Variants in GPC5 observed in about 807,000 individuals in gnomAD.
The protein encoded by GPC5 is glypican-5.
GPC5 carries 47 observed loss-of-function variants against 53.9 expected under a neutral mutation model. That is an observed-to-expected ratio of 0.87 (90% CI 0.69 to 1.11). The LOEUF (loss-of-function observed/expected upper bound fraction) is 1.11. GPC5 is among the 50% of genes most tolerant of loss of function. The pLI is 0.00. For synonymous variants in GPC5, 286 were observed against 263.3 expected, an observed-to-expected ratio of 1.09 and a Z score of -0.84; for missense variants, 748 against 713.1, an observed-to-expected ratio of 1.05 and a Z score of -0.56.
intron 1 of GPC5, among the ~76,000 whole-genome samples, chr13:91,424,582 G>A (rs1394600594): frequency 1.3e-5 from 2 of 152,048 alleles, no homozygotes; most frequent in African/African-American, 4.8e-5. Flanking sequence ...GGCCAGGCTG[G>A]TCTTGAATTC....
At chr13:91,503,780 A>AAATAATAAT (rs74995934) in intron 2 of GPC5, among the ~76,000 whole-genome samples, 18,853 of 132,528 alleles carry the variant, frequency 0.14, 1,495 homozygotes, top group Middle Eastern at 0.18. Flanking sequence ...CTCTGTCTCA[A>AAATAATAAT]AATAATAATA....
chr13:91,609,972 T>C (rs527858148), intron 2 of GPC5, among the ~76,000 whole-genome samples: 3 of 152,324 alleles, frequency 2.0e-5, no homozygotes, highest in Admixed American at 6.5e-5. Context: ...TTTGTGTACA[T>C]TCGTTATATG....
At chr13:91,887,190 G>A (rs576216015) in intron 5 of GPC5, among the ~76,000 whole-genome samples, 2 of 152,092 alleles carry the variant, frequency 1.3e-5, no homozygotes, top group Non-Finnish European at 2.9e-5. Flanking sequence ...ACATCATGTG[G>A]AAACTGCCAA....
chr13:91,445,226 A>G (rs529652320), intron 1 of GPC5, among the ~76,000 whole-genome samples: 2 of 152,184 alleles, frequency 1.3e-5, no homozygotes, highest in Admixed American at 6.6e-5. Flanking sequence ...TGCTAGTATT[A>G]TTACTCTTGT....
chr13:91,544,839 T>C (rs1485505795), intron 2 of GPC5, among the ~76,000 whole-genome samples: 1 of 152,216 alleles, frequency 6.6e-6, no homozygotes, highest in Non-Finnish European at 1.5e-5. Flanking sequence ...CTGGTTCTGG[T>C]ATCTCACAAG....
chr13:92,224,461 G>A (rs2042470319), intron 7 of GPC5, among the ~76,000 whole-genome samples: 1 of 152,200 alleles, frequency 6.6e-6, no homozygotes, highest in Admixed American at 6.5e-5. Context: ...GCAGGCCTGA[G>A]ACTGCTGTCC....
chr13:91,974,613 TA>T (rs2040279649), intron 6 of GPC5, among the ~76,000 whole-genome samples: 1 of 151,980 alleles, frequency 6.6e-6, no homozygotes, highest in Non-Finnish European at 1.5e-5. Flanking sequence ...CTCAATGAAA[TA>T]AAAGAGGATA....
intron 1 of GPC5, among the ~76,000 whole-genome samples, chr13:91,424,399 T>A (rs1393250903): frequency 6.7e-6 from 1 of 148,798 alleles, no homozygotes; most frequent in African/African-American, 2.5e-5. Context: ...AGTCTTGCTC[T>A]TGTCTCCCAG....
chr13:91,765,572 C>T lies in GPC5; in HGVS notation c.1280+9152C>T, dbSNP rs141808764. Among the ~76,000 whole-genome samples, 156 of 152,274 alleles carry T rather than the reference C, an allele frequency of 1.0e-3. 2 individuals carry two copies. The East Asian group carries it at 0.022, about 22-fold the overall frequency. ...ATACTGCAATAGACCTTGAATGGAA[C>T]GCAAAGTTATATGAGATATTTTCCC... On this transcript the variant is annotated intron_variant, in intron 5 of 7. Coordinates refer to ENST00000377067, the MANE Select transcript of GPC5 (RefSeq NM_004466.6).
chr13:92,002,912 G>A lies in GPC5; in HGVS notation c.1401+94855G>A, dbSNP rs189959805. ...TGGATGGATGTAACCACAGTTGTTG[G>A]CTATGTTGTTACTTAGAAACAAAGA... On this transcript the variant is annotated intron_variant, in intron 6 of 7. Transcript: ENST00000377067. 2.3e-3 allele frequency among the ~76,000 whole-genome samples: 353 copies of A among 152,276 alleles called. 5 individuals are homozygous for A. The highest frequency in any genetic ancestry group is 8.8e-4 in the Non-Finnish European group (60 of 68,016).
chr13:92,014,941 C>A (rs555622816), intron 6 of GPC5, among the ~76,000 whole-genome samples: 1 of 151,976 alleles, frequency 6.6e-6, no homozygotes, highest in Non-Finnish European at 1.5e-5. Flanking sequence ...GTTTGGGTGG[C>A]TGATTTGAGT....
At chr13:91,869,782 T>A (rs1253981174) in intron 5 of GPC5, among the ~76,000 whole-genome samples, 1 of 152,116 alleles carries the variant, frequency 6.6e-6, no homozygotes, top group Non-Finnish European at 1.5e-5. Flanking sequence ...AGGAAACTTA[T>A]AATTGTAGCG....
intron 7 of GPC5, among the ~76,000 whole-genome samples, chr13:92,295,258 C>T (rs1023814930): frequency 6.6e-6 from 1 of 152,124 alleles, no homozygotes; most frequent in African/African-American, 2.4e-5. Context: ...AATTTCTATC[C>T]TGATTTCATT....
At chr13:91,568,556 T>C (rs2031638636) in intron 2 of GPC5, among the ~76,000 whole-genome samples, 4 of 143,894 alleles carry the variant, frequency 2.8e-5, no homozygotes, top group African/African-American at 1.1e-4. Context: ...AGTAGAGCTT[T>C]TATTGAAAAA....
chr13:92,793,569 C>A lies in GPC5; in HGVS notation c.1562-72713C>A, dbSNP rs145041705. ...CTGAGAGAGACAGAGACACAAAAAT[C>A]CCTTAAAAAAACAATGAATCCAGGA... On this transcript the variant is annotated intron_variant, in intron 7 of 7. Coordinates refer to ENST00000377067, the MANE Select transcript of GPC5 (RefSeq NM_004466.6). Among the ~76,000 whole-genome samples the A allele has an allele frequency of 3.9e-5, 6 of 151,926 alleles. No individual in the cohort carries two copies. In the East Asian group the frequency reaches 1.2e-3, roughly 30 times the overall value.
chr13:92,510,942 T>C (rs576039088), intron 7 of GPC5, among the ~76,000 whole-genome samples: 1 of 152,312 alleles, frequency 6.6e-6, no homozygotes, highest in East Asian at 1.9e-4. Flanking sequence ...GAGGATAAGA[T>C]CAGGCTATGA....
At chr13:92,745,076 A>G (rs545811634) in intron 7 of GPC5, among the ~76,000 whole-genome samples, 1 of 152,220 alleles carries the variant, frequency 6.6e-6, no homozygotes, top group Non-Finnish European at 1.5e-5. Context: ...AATATTTAGA[A>G]TGCTTTATTT....
At chr13:92,771,322 T>C (rs1421964478) in intron 7 of GPC5, among the ~76,000 whole-genome samples, 2 of 152,104 alleles carry the variant, frequency 1.3e-5, no homozygotes, top group African/African-American at 2.4e-5. Flanking sequence ...CCTACTCTAT[T>C]TTTCAAAAGA....
At chr13:91,815,687 C>G (rs1243766934) in intron 5 of GPC5, among the ~76,000 whole-genome samples, 3 of 152,310 alleles carry the variant, frequency 2.0e-5, no homozygotes, top group Non-Finnish European at 2.9e-5. Flanking sequence ...CCACACCCTG[C>G]GTGAGACCCA....
Sources: allele counts gnomAD v4.1 joint callset (sites outside exome capture counted in the v4.1 genomes callset), GRCh38; gene constraint gnomAD v4.1.1; transcripts MANE v1.5; gene names NCBI Gene and HGNC (gene_info 2026-07-23, HGNC 2026-07-21).